CAMK4: variants seen among roughly 807,000 people sequenced by gnomAD.
CAMK4 encodes calcium/calmodulin dependent protein kinase IV.
Under a neutral mutation model 44.9 loss-of-function variants are expected in CAMK4, and 22 were observed. The observed-to-expected ratio is 0.49, with a 90% CI of 0.35 to 0.70. The LOEUF (loss-of-function observed/expected upper bound fraction) is 0.70, where lower values mean the gene tolerates loss of function less well. Among genes scored for constraint, CAMK4 ranks in the 30% least tolerant of loss-of-function variants. The pLI, the probability that CAMK4 is intolerant of heterozygous loss-of-function variation, is 0.01. For missense variants in CAMK4, 498 were observed against 586.8 expected (o/e 0.85, Z 1.56); for synonymous variants, 218 against 215.4 (o/e 1.01, Z -0.11).
At chr5:111,429,029 A>G (rs1753333800) in intron 5 of CAMK4, among the ~76,000 whole-genome samples, 1 of 152,100 alleles carries the variant, frequency 6.6e-6, no homozygotes, top group Non-Finnish European at 1.5e-5. Context: ...ATGTACCTAC[A>G]TCAGAAAAGA....
intron 4 of CAMK4, among the ~76,000 whole-genome samples, chr5:111,377,353 T>A (rs906228944): frequency 6.6e-6 from 1 of 152,132 alleles, no homozygotes; most frequent in Non-Finnish European, 1.5e-5. Flanking sequence ...CTCATAAAAC[T>A]CAATAATCTT....
intron 1 of CAMK4, among the ~76,000 whole-genome samples, chr5:111,342,562 A>AT (rs60572721): frequency 0.86 from 129,642 of 150,124 alleles, 56,222 homozygotes; most frequent in East Asian, 1. Context: ...TTTGGTGTTG[A>AT]TTTTTTTTTA....
In CAMK4 at chr5:111,230,131, C is replaced by T. The variant is rs1025046896; in HGVS notation, c.161+5487C>T. Among the ~76,000 whole-genome samples the T allele has an allele frequency of 9.2e-5, 14 of 152,264 alleles. No homozygotes were observed. The East Asian group carries it at 1.5e-3, about 17-fold the overall frequency. On this transcript the variant is annotated intron_variant, in intron 1 of 10. Transcript: ENST00000282356. Reference sequence around the variant, plus strand: ...CCCTAGGATAAGGAGAATACTGTAACCCTTTTCTCTTCTCCCTAAAACTTG... The same window carrying T: ...CCCTAGGATAAGGAGAATACTGTAATCCTTTTCTCTTCTCCCTAAAACTTG...
chr5:111,480,179 C>T (rs1755382951), intron 9 of CAMK4, among the ~76,000 whole-genome samples: 1 of 151,184 alleles, frequency 6.6e-6, no homozygotes, highest in Non-Finnish European at 1.5e-5. Flanking sequence ...CAGGATATTG[C>T]CATGGCTCTT....
At chr5:111,237,705 T>A (rs1163812980) in intron 1 of CAMK4, among the ~76,000 whole-genome samples, 2 of 152,212 alleles carry the variant, frequency 1.3e-5, no homozygotes. Context: ...AAAGCTTGAC[T>A]TATGACCTAT....
chr5:111,294,329 C>T (rs1403509551), intron 1 of CAMK4, among the ~76,000 whole-genome samples: 2 of 152,126 alleles, frequency 1.3e-5, no homozygotes, highest in Non-Finnish European at 2.9e-5. Flanking sequence ...AAAAATCACC[C>T]CCAATTACAT....
chr5:111,477,487 A>G (rs538437710), intron 8 of CAMK4, among the ~76,000 whole-genome samples: 61 of 152,026 alleles, frequency 4.0e-4, no homozygotes, highest in African/African-American at 1.4e-3. Context: ...ATGCCCTGCC[A>G]TGGGCTTTTT....
In CAMK4 at chr5:111,486,567, A is replaced by AG. The variant is rs1156710836; in HGVS notation, c.*2106dup. 3 of 149,388 alleles carry AG rather than the reference A, an allele frequency of 2.0e-5. No individual in the cohort carries two copies. Among genetic ancestry groups the AG allele is most frequent in the Admixed American group, 6.7e-5 (1 of 14,856 alleles). 9.3% of individuals were successfully genotyped at this position (149,388 alleles called of 1,614,324 possible). A position where few individuals can be genotyped will look rare whatever the true frequency, so the allele number is the denominator to read the frequency against. ...CGTGTTGGAAGAGCAAAGAGAGGGA[A>AG]GGGGGTCTTTTTAGAAAGTGGCACT... is the stretch of plus-strand genomic sequence containing the variant. On this transcript the variant is annotated 3_prime_UTR_variant, in exon 11 of 11. Transcript: ENST00000282356.
At chr5:111,225,311 T>A (rs13155320) in intron 1 of CAMK4, among the ~76,000 whole-genome samples, 1 of 152,224 alleles carries the variant, frequency 6.6e-6, no homozygotes, top group Non-Finnish European at 1.5e-5. Context: ...ATTTAAATTA[T>A]ATATGCAACA....
At chr5:111,336,987 G>A (rs930379555) in intron 1 of CAMK4, among the ~76,000 whole-genome samples, 1 of 150,832 alleles carries the variant, frequency 6.6e-6, no homozygotes, top group Admixed American at 6.6e-5. Context: ...TTTCTGGACA[G>A]TAAATTTCAC....
intron 5 of CAMK4, among the ~76,000 whole-genome samples, chr5:111,426,585 G>A (rs769925756): frequency 1.4e-4 from 22 of 152,066 alleles, no homozygotes; most frequent in South Asian, 2.1e-4. Flanking sequence ...ACTCCATATC[G>A]CTGAAAGAGG....
intron 1 of CAMK4, among the ~76,000 whole-genome samples, chr5:111,230,171 T>G (rs1379834005): frequency 6.6e-6 from 1 of 152,194 alleles, no homozygotes; most frequent in African/African-American, 2.4e-5. Context: ...ACAATAACCC[T>G]AATCTCAATC....
chr5:111,463,266 A>G (rs1187948080), intron 7 of CAMK4, among the ~76,000 whole-genome samples: 1 of 152,242 alleles, frequency 6.6e-6, no homozygotes, highest in South Asian at 2.1e-4. Context: ...ATTTTTAAAA[A>G]CTGTTTTACA....
intron 2 of CAMK4, among the ~76,000 whole-genome samples, chr5:111,354,933 A>G (rs1750271744): frequency 6.6e-6 from 1 of 152,096 alleles, no homozygotes; most frequent in Non-Finnish European, 1.5e-5. Flanking sequence ...ACAATGAGCC[A>G]TGCATTTTCT....
At chr5:111,226,485 G>A (rs748531403) in intron 1 of CAMK4, among the ~76,000 whole-genome samples, 5 of 152,238 alleles carry the variant, frequency 3.3e-5, no homozygotes, top group Non-Finnish European at 5.9e-5. Flanking sequence ...AATATCAGAA[G>A]TTGAAAATGC....
At chr5:111,371,815 A>C (rs888031801) in intron 2 of CAMK4, among the ~76,000 whole-genome samples, 2 of 152,202 alleles carry the variant, frequency 1.3e-5, no homozygotes, top group African/African-American at 2.4e-5. Context: ...CCAACCATTC[A>C]TATTGGCTAC....
chr5:111,252,401 G>GA (rs1749543080), intron 1 of CAMK4, among the ~76,000 whole-genome samples: 1 of 152,150 alleles, frequency 6.6e-6, no homozygotes, highest in African/African-American at 2.4e-5. Flanking sequence ...GGAACACAAA[G>GA]AAAACTGCAT....
intron 1 of CAMK4, among the ~76,000 whole-genome samples, chr5:111,229,392 A>G (rs560208410): frequency 6.6e-6 from 1 of 152,328 alleles, no homozygotes; most frequent in African/African-American, 2.4e-5. Flanking sequence ...TGATCCCACG[A>G]TGAGGGGTTT....
chr5:111,484,347 G>C lies in CAMK4; in HGVS notation c.1303G>C (p.Gly435Arg). Residue 435 changes from glycine to arginine, a missense_variant, in exon 11 of 11, where the codon GGC becomes CGC. This residue lies in a region of CAMK4 where 143 missense variants were observed against 144.9 expected (regional missense o/e 0.99). Transcript: ENST00000282356. This position sits in a 1 kb window ranked among gnomAD's most constrained non-coding sequence, Gnocchi z 5.3. Reference protein sequence around the residue: ...IKVADLELEEGLAEEKLKTVE... With the variant: ...IKVADLELEERLAEEKLKTVE... Reference sequence around the variant, plus strand: ...GGTGGCTGACCTGGAACTAGAGGAGGGCCTAGCAGAGGAGAAGCTGAAGAC... The same window carrying C: ...GGTGGCTGACCTGGAACTAGAGGAGCGCCTAGCAGAGGAGAAGCTGAAGAC... The C allele has an allele frequency of 1.2e-6, 2 of 1,613,024 alleles. No individual in the cohort carries two copies. Among genetic ancestry groups the C allele is most frequent in the Non-Finnish European group, 1.7e-6 (2 of 1,179,600 alleles).
Sources: allele counts gnomAD v4.1 joint callset (sites outside exome capture counted in the v4.1 genomes callset), GRCh38; gene constraint gnomAD v4.1.1; regional missense constraint gnomAD v4.1.1; non-coding constraint Gnocchi (gnomAD v3.1); transcripts MANE v1.5; gene names NCBI Gene and HGNC (gene_info 2026-07-23, HGNC 2026-07-21).